The following TMEM132B variants were observed in gnomAD, a reference collection of about 807,000 sequenced individuals.
TMEM132B encodes transmembrane protein 132B.
TMEM132B carries 18 observed loss-of-function variants against 90.8 expected under a neutral mutation model. That is an observed-to-expected ratio of 0.20 (90% CI 0.14 to 0.29). The LOEUF (loss-of-function observed/expected upper bound fraction) is 0.29. TMEM132B is among the 10% of genes least tolerant of loss of function. The probability of loss-of-function intolerance (pLI) is 1.00; values close to 1 mark genes in which losing one functional copy is unlikely to be tolerated. For synonymous variants in TMEM132B, 504 were observed against 523.3 expected (o/e 0.96, Z 0.50); for missense variants, 1,096 against 1,326.8 (o/e 0.83, Z 2.70).
intron 7 of TMEM132B, among the ~76,000 whole-genome samples, chr12:125,651,408 ATTCT>A (rs1288463063): frequency 6.6e-6 from 1 of 152,214 alleles, no homozygotes; most frequent in Admixed American, 6.5e-5. Flanking sequence ...ATCCGTAGCT[ATTCT>A]TTATCACAGT....
At chr12:125,554,385 A>C (rs1166491397) in intron 4 of TMEM132B, among the ~76,000 whole-genome samples, 1 of 144,716 alleles carries the variant, frequency 6.9e-6, no homozygotes, top group Non-Finnish European at 1.5e-5. Flanking sequence ...AGATAGTGCC[A>C]CTGCACTCTA....
chr12:125,298,174 C>G (rs1393014617), intron 1 of TMEM132B, among the ~76,000 whole-genome samples: 1 of 151,998 alleles, frequency 6.6e-6, no homozygotes, highest in Non-Finnish European at 1.5e-5. Context: ...ATCACTTGAG[C>G]AAGGATTCTA....
chr12:125,627,746 A>G (rs1486435089), intron 5 of TMEM132B, among the ~76,000 whole-genome samples: 2 of 152,100 alleles, frequency 1.3e-5, no homozygotes, highest in African/African-American at 4.8e-5. Flanking sequence ...CTGCTGTGCT[A>G]TTAAATACTA....
At chr12:125,579,041 T>G (rs1384703966) in intron 4 of TMEM132B, among the ~76,000 whole-genome samples, 3 of 152,192 alleles carry the variant, frequency 2.0e-5, no homozygotes, top group African/African-American at 7.2e-5. Flanking sequence ...TTCCTTTTTC[T>G]CTGCCTCCTT....
At chr12:125,508,986 G>A (rs977664936) in intron 3 of TMEM132B, among the ~76,000 whole-genome samples, 8 of 151,876 alleles carry the variant, frequency 5.3e-5, no homozygotes, top group Admixed American at 1.3e-4. Context: ...GTTTCACCAT[G>A]TTGCCCAGGC....
chr12:125,314,810 G>C (rs1163194101), intron 1 of TMEM132B, among the ~76,000 whole-genome samples: 1 of 152,206 alleles, frequency 6.6e-6, no homozygotes, highest in African/African-American at 2.4e-5. Flanking sequence ...TCAGAAATTA[G>C]AATAAAGATT....
intron 4 of TMEM132B, among the ~76,000 whole-genome samples, chr12:125,550,926 C>G (rs965915279): frequency 9.8e-5 from 15 of 152,314 alleles, no homozygotes; most frequent in South Asian, 4.1e-4. Context: ...GATTCTCCCC[C>G]CTCAGCCTCC....
chr12:125,318,825 C>G lies in TMEM132B; in HGVS notation c.68-30627C>G, dbSNP rs192422824. Among the ~76,000 whole-genome samples, 31 of 152,090 alleles carry G rather than the reference C, an allele frequency of 2.0e-4. 1 individual carries two copies. The highest frequency in any genetic ancestry group is 2.0e-3 in the Admixed American group (31 of 15,274). On this transcript the variant is annotated intron_variant, in intron 1 of 8. Coordinates refer to ENST00000682704, the MANE Select transcript of TMEM132B (RefSeq NM_001366854.1). ...CTGTTTCTTAACTTGGATGGTTGGT[C>G]CAGGTATGTTCACTGTATTATAAAA...
chr12:125,650,627 A>T, intron 6 of TMEM132B, 56 bp from the exon 7 acceptor site: 1 of 1,576,000 alleles, frequency 6.3e-7, no homozygotes, highest in Non-Finnish European at 8.7e-7. Context: ...AAACAAGGGC[A>T]TGCAGAACTT....
At chr12:125,558,091 G>A (rs2107656) in intron 4 of TMEM132B, among the ~76,000 whole-genome samples, 1 of 152,168 alleles carries the variant, frequency 6.6e-6, no homozygotes, top group East Asian at 1.9e-4. Context: ...TCCGTCCTTC[G>A]TTTCCTTTTG....
chr12:125,383,006 C>T (rs779681515), intron 2 of TMEM132B, among the ~76,000 whole-genome samples: 47 of 152,168 alleles, frequency 3.1e-4, no homozygotes, highest in Non-Finnish European at 6.0e-4. Flanking sequence ...AGATTGATTC[C>T]TCCTCCAGAT....
At chr12:125,204,476 G>A (rs1383947771) in intron 1 of TMEM132B, among the ~76,000 whole-genome samples, 15 of 102,284 alleles carry the variant, frequency 1.5e-4, no homozygotes, top group Admixed American at 8.3e-4. Context: ...TTTATGTGGA[G>A]TATCTCATGA....
At chr12:125,540,912 C>T (rs1481816486) in intron 4 of TMEM132B, among the ~76,000 whole-genome samples, 2 of 152,250 alleles carry the variant, frequency 1.3e-5, no homozygotes, top group East Asian at 1.9e-4. Context: ...CTCCTAATCA[C>T]TCTCTGTTTC....
intron 2 of TMEM132B, among the ~76,000 whole-genome samples, chr12:125,358,567 G>A (rs965846666): frequency 4.6e-5 from 7 of 151,846 alleles, no homozygotes; most frequent in African/African-American, 1.7e-4. Flanking sequence ...AAAGACTGCT[G>A]GCCAGTTATT....
intron 2 of TMEM132B, among the ~76,000 whole-genome samples, chr12:125,351,519 A>G (rs886927002): frequency 1.1e-4 from 16 of 152,248 alleles, no homozygotes; most frequent in African/African-American, 3.9e-4. Context: ...GACTGAGACA[A>G]CATAAGTATA....
intron 1 of TMEM132B, among the ~76,000 whole-genome samples, chr12:125,189,861 A>T (rs1255952280): frequency 6.6e-6 from 1 of 152,164 alleles, no homozygotes; most frequent in Non-Finnish European, 1.5e-5. Context: ...CCTTGTTCCC[A>T]GATGCGTCTC....
intron 4 of TMEM132B, among the ~76,000 whole-genome samples, chr12:125,577,058 T>C (rs1394709031): frequency 2.6e-5 from 4 of 151,854 alleles, no homozygotes; most frequent in Admixed American, 1.3e-4. Flanking sequence ...TTCTAAAAAT[T>C]AATATTACTC....
intron 3 of TMEM132B, among the ~76,000 whole-genome samples, chr12:125,454,250 A>G (rs189180752): frequency 6.6e-6 from 1 of 152,224 alleles, no homozygotes; most frequent in East Asian, 1.9e-4. Context: ...ATAATAACCA[A>G]AATAAGGACA....
chr12:125,436,580 C>A (rs531024777), intron 3 of TMEM132B, among the ~76,000 whole-genome samples: 2 of 152,114 alleles, frequency 1.3e-5, no homozygotes, highest in Non-Finnish European at 2.9e-5. Context: ...CAAGGAACTT[C>A]GAAGATTGCC....
Sources: allele counts gnomAD v4.1 joint callset (sites outside exome capture counted in the v4.1 genomes callset), GRCh38; gene constraint gnomAD v4.1.1; transcripts MANE v1.5; gene names NCBI Gene and HGNC (gene_info 2026-07-23, HGNC 2026-07-21).